RASSF3: variants seen among roughly 807,000 people sequenced by gnomAD.
RASSF3 encodes ras association domain-containing protein 3.
A neutral mutation model predicts 19.9 loss-of-function variants in RASSF3; 19 were observed. That is an observed-to-expected ratio of 0.96 (90% CI 0.67 to 1.40). The LOEUF is 1.40. Among genes scored for constraint, RASSF3 ranks in the 40% most tolerant of loss-of-function variants. The pLI, the probability that RASSF3 is intolerant of heterozygous loss-of-function variation, is 0.00. For synonymous variants in RASSF3, 110 were observed against 104.2 expected (o/e 1.06, Z -0.34); for missense variants, 306 against 289.8 (o/e 1.06, Z -0.41).
intron 3 of RASSF3, among the ~76,000 whole-genome samples, chr12:64,689,980 G>A (rs530167719): frequency 4.6e-5 from 7 of 151,302 alleles, no homozygotes; most frequent in Admixed American, 2.0e-4. Flanking sequence ...TAGTAGAGAC[G>A]GGATTTCACT....
At chr12:64,687,713 T>C (rs1274376644) in intron 2 of RASSF3, among the ~76,000 whole-genome samples, 1 of 152,166 alleles carries the variant, frequency 6.6e-6, no homozygotes, top group African/African-American at 2.4e-5. Flanking sequence ...GGAATGAAAA[T>C]AGCCTGTTTT....
chr12:64,610,594 G>T lies in RASSF3; in HGVS notation c.-39G>T. 1 of 1,341,072 alleles carries T rather than the reference G, an allele frequency of 7.5e-7. No individual in the cohort carries two copies. Among genetic ancestry groups the T allele is most frequent in the Non-Finnish European group, 9.9e-7 (1 of 1,007,626 alleles). 83.1% of individuals were successfully genotyped at this position (1,341,072 alleles called of 1,614,324 possible). ...CCGCACCCCCTCCCTGGCCGCCTGC[G>T]CCCCGGGGAGGCCGCCCGCGCGCGA... On this transcript the variant is annotated 5_prime_UTR_variant, in exon 1 of 5. Coordinates refer to ENST00000542104, the MANE Select transcript of RASSF3 (RefSeq NM_178169.4).
intron 1 of RASSF3, among the ~76,000 whole-genome samples, chr12:64,645,360 C>T (rs1871692685): frequency 6.6e-6 from 1 of 151,974 alleles, no homozygotes; most frequent in Non-Finnish European, 1.5e-5. Flanking sequence ...ATGAATTTAT[C>T]CTTAAGAAAT....
At chr12:64,539,035 G>T (rs1294397935) in intron 1 of RASSF3, among the ~76,000 whole-genome samples, 2 of 152,108 alleles carry the variant, frequency 1.3e-5, no homozygotes, top group African/African-American at 4.8e-5. Flanking sequence ...GACAGAATGA[G>T]ACTCCATCTC....
intron 2 of RASSF3, among the ~76,000 whole-genome samples, chr12:64,577,439 C>G (rs1019518331): frequency 2.0e-5 from 3 of 152,174 alleles, no homozygotes; most frequent in Non-Finnish European, 4.4e-5. Context: ...AGAAGATAAA[C>G]AGTAGGAGTG....
chr12:64,694,728 A>G, intron 4 of RASSF3, 35 bp from the exon 5 acceptor site: 1 of 1,612,600 alleles, frequency 6.2e-7, no homozygotes, highest in Non-Finnish European at 8.5e-7. Context: ...TGAGTATTAA[A>G]CATCTGGCAT....
chr12:64,655,605 G>T (rs140921625), intron 1 of RASSF3, among the ~76,000 whole-genome samples: 25 of 152,090 alleles, frequency 1.6e-4, no homozygotes, highest in Non-Finnish European at 2.4e-4. Context: ...GAACCACCAT[G>T]CCTGGTCTTG....
chr12:64,673,810 CTG>C (rs1489905274), intron 1 of RASSF3, among the ~76,000 whole-genome samples: 23 of 151,762 alleles, frequency 1.5e-4, no homozygotes, highest in African/African-American at 5.3e-4. Flanking sequence ...ACACATCAGA[CTG>C]GGATTTCTGA....
chr12:64,686,342 G>A (rs1047879700), intron 2 of RASSF3, among the ~76,000 whole-genome samples: 3 of 151,960 alleles, frequency 2.0e-5, no homozygotes, highest in Admixed American at 6.6e-5. Context: ...AGAGTTCGAC[G>A]GTGGCTCACG....
At chr12:64,577,414 C>T (rs1187946557) in intron 2 of RASSF3, among the ~76,000 whole-genome samples, 12 of 152,174 alleles carry the variant, frequency 7.9e-5, no homozygotes, top group Admixed American at 7.2e-4. Context: ...CTTGAGAAAT[C>T]GGTGTTGTCT....
At chr12:64,614,877 T>G (rs1870499082) in intron 1 of RASSF3, among the ~76,000 whole-genome samples, 1 of 151,588 alleles carries the variant, frequency 6.6e-6, no homozygotes, top group Non-Finnish European at 1.5e-5. Context: ...TTTTTGTATT[T>G]TAGTCTAGAT....
chr12:64,670,357 C>G (rs1307216281), intron 1 of RASSF3, among the ~76,000 whole-genome samples: 1 of 128,936 alleles, frequency 7.8e-6, no homozygotes, highest in Non-Finnish European at 1.6e-5. Flanking sequence ...CTTTTTCCCT[C>G]CTAGATTTTA....
At chr12:64,678,266 CT>C (rs769112450) in intron 1 of RASSF3, among the ~76,000 whole-genome samples, 14 of 152,214 alleles carry the variant, frequency 9.2e-5, no homozygotes, top group Non-Finnish European at 1.6e-4. Flanking sequence ...TGTTATTGCA[CT>C]GGGTATTGCA....
chr12:64,602,972 A>T (rs1870120991), intron 2 of RASSF3, among the ~76,000 whole-genome samples: 1 of 151,978 alleles, frequency 6.6e-6, no homozygotes, highest in Non-Finnish European at 1.5e-5. Context: ...GGTGGCAGGC[A>T]CCTGTAATCC....
intron 2 of RASSF3, among the ~76,000 whole-genome samples, chr12:64,584,503 G>GAAAAAAAAAAAAAAA (rs11461888): frequency 8.9e-6 from 1 of 112,720 alleles, no homozygotes; most frequent in African/African-American, 3.5e-5. Flanking sequence ...TCCAGGCTAA[G>GAAAAAAAAAAAAAAA]AAAAAAAAAA....
chr12:64,516,998 C>CAAAAAAAAAAA (rs371430838), intron 1 of RASSF3, among the ~76,000 whole-genome samples: 8 of 51,940 alleles, frequency 1.5e-4, no homozygotes, highest in South Asian at 9.0e-4. Flanking sequence ...AAATCTGTCT[C>CAAAAAAAAAAA]AAAAAAAAAA....
At chr12:64,640,982 A>G (rs1302560443) in intron 1 of RASSF3, among the ~76,000 whole-genome samples, 1 of 152,130 alleles carries the variant, frequency 6.6e-6, no homozygotes, top group African/African-American at 2.4e-5. Flanking sequence ...TTAAAGGTGA[A>G]ATAATATTCT....
At chr12:64,661,542 G>T (rs1872358841) in intron 1 of RASSF3, among the ~76,000 whole-genome samples, 1 of 151,964 alleles carries the variant, frequency 6.6e-6, no homozygotes, top group East Asian at 1.9e-4. Flanking sequence ...AACCCTGTTT[G>T]TTCCTTTCAT....
At chr12:64,644,302 C>G (rs1871651559) in intron 1 of RASSF3, among the ~76,000 whole-genome samples, 2 of 152,002 alleles carry the variant, frequency 1.3e-5, no homozygotes, top group Non-Finnish European at 2.9e-5. Flanking sequence ...GAGTGATGGC[C>G]TAGAGCGTAG....
Sources: gnomAD v4.1 joint callset for allele counts (sites outside exome capture counted in the v4.1 genomes callset) on GRCh38, gnomAD v4.1.1 for gene constraint, MANE v1.5 for transcripts, NCBI Gene and HGNC (gene_info 2026-07-23, HGNC 2026-07-21) for gene names.